CTDSPL2: variants seen among roughly 807,000 people sequenced by gnomAD.
CTDSPL2 encodes the protein CTD small phosphatase-like protein 2.
CTDSPL2 carries 5 observed loss-of-function variants against 60.0 expected under a neutral mutation model. That is an observed-to-expected ratio of 0.08 (90% CI 0.04 to 0.18). The LOEUF is 0.18. Ranked by LOEUF, CTDSPL2 falls within the 10% of genes least tolerant of loss-of-function variation. The pLI is 1.00. For missense variants in CTDSPL2, 370 were observed against 548.8 expected, an observed-to-expected ratio of 0.67 and a Z score of 3.26; for synonymous variants, 186 against 189.3, an observed-to-expected ratio of 0.98 and a Z score of 0.14.
intron 8 of CTDSPL2, among the ~76,000 whole-genome samples, chr15:44,505,735 CAA>C (rs34005065): frequency 4.1e-4 from 30 of 73,864 alleles, no homozygotes; most frequent in South Asian, 7.9e-4. Context: ...CTCTGTCTCC[CAA>C]AAAAAAAAAA....
intron 2 of CTDSPL2, among the ~76,000 whole-genome samples, chr15:44,469,990 T>A (rs982752424): frequency 1.3e-5 from 2 of 148,766 alleles, no homozygotes; most frequent in Admixed American, 6.9e-5. Context: ...CCCAGCTACT[T>A]GGGAGGCTGA....
At chr15:44,510,276 G>A (rs2081543889) in intron 8 of CTDSPL2, among the ~76,000 whole-genome samples, 1 of 152,114 alleles carries the variant, frequency 6.6e-6, no homozygotes, top group Non-Finnish European at 1.5e-5. Context: ...GGGATTACAG[G>A]CGTGAGCCAC....
chr15:44,449,971 A>T (rs914023610), intron 1 of CTDSPL2, among the ~76,000 whole-genome samples: 1 of 147,764 alleles, frequency 6.8e-6, no homozygotes, highest in Non-Finnish European at 1.5e-5. Flanking sequence ...TGCCTGGGTG[A>T]CAGAGCGAGT....
Position 44,528,145 on chromosome 15 carries a change from G to C in CTDSPL2, c.*3971G>C, listed in dbSNP as rs984396102. 2 of 152,066 alleles carry C rather than the reference G, an allele frequency of 1.3e-5. No homozygotes were observed. The highest frequency in any genetic ancestry group is 6.6e-5 in the Admixed American group (1 of 15,248). 9.4% of individuals were successfully genotyped at this position (152,066 alleles called of 1,614,324 possible). ...ATGATTTGAGATCTTTTTTAAAAAA[G>C]GGTGGGGCGGCGGGGGAGAGAGCGA... is the stretch of plus-strand genomic sequence containing the variant. On this transcript the variant is annotated 3_prime_UTR_variant, in exon 13 of 13. Transcript: ENST00000260327.
At chr15:44,498,454 T>TCCCA (rs2081337082) in intron 7 of CTDSPL2, among the ~76,000 whole-genome samples, 1 of 151,978 alleles carries the variant, frequency 6.6e-6, no homozygotes, top group Non-Finnish European at 1.5e-5. Context: ...AGCCTGGTGT[T>TCCCA]GCAAGCGTGT....
chr15:44,499,922 A>G, intron 8 of CTDSPL2, 109 bp downstream of exon 8: 1 of 635,144 alleles, frequency 1.6e-6, no homozygotes, highest in Non-Finnish European at 2.8e-6. Flanking sequence ...TTTTCTGTAG[A>G]AGTATAATGG....
rs924149754 is a variant in CTDSPL2 at position 44,527,585 on chromosome 15, T to C, written c.*3411T>C. 4 of 152,238 alleles carry C rather than the reference T, an allele frequency of 2.6e-5. No homozygotes were observed. Among genetic ancestry groups the C allele is most frequent in the Middle Eastern group, 3.2e-3 (1 of 316 alleles). 9.4% of individuals were successfully genotyped at this position (152,238 alleles called of 1,614,324 possible). A position where few individuals can be genotyped will look rare whatever the true frequency, so the allele number is the denominator to read the frequency against. On this transcript the variant is annotated 3_prime_UTR_variant, in exon 13 of 13. Coordinates refer to ENST00000260327, the MANE Select transcript of CTDSPL2 (RefSeq NM_016396.3). ...AAGCCTTTATTTAATTGTACTAATA[T>C]GATGGTGTTATATACTACATCATTA...
At chr15:44,490,684 T>C in intron 4 of CTDSPL2, 100 bp from the exon 5 acceptor site, 1 of 842,874 alleles carries the variant, frequency 1.2e-6, no homozygotes, top group Admixed American at 2.1e-5. Context: ...CCTGCAGGAA[T>C]GATCAGTCTA....
At chr15:44,523,594 A>G (rs1461076038) in intron 12 of CTDSPL2, among the ~76,000 whole-genome samples, 1 of 152,206 alleles carries the variant, frequency 6.6e-6, no homozygotes, top group East Asian at 1.9e-4. Context: ...TGAAAGAGCA[A>G]GACCCTGTCA....
At chr15:44,467,903 C>T (rs1350440044) in intron 2 of CTDSPL2, among the ~76,000 whole-genome samples, 1 of 152,068 alleles carries the variant, frequency 6.6e-6, no homozygotes, top group Admixed American at 6.6e-5. Flanking sequence ...TAGAGTAGTA[C>T]ATAAATTTTT....
At chr15:44,507,991 G>A (rs2081499396) in intron 8 of CTDSPL2, among the ~76,000 whole-genome samples, 1 of 152,138 alleles carries the variant, frequency 6.6e-6, no homozygotes, top group Non-Finnish European at 1.5e-5. Flanking sequence ...ATACAGAAGA[G>A]TTAAAAAATT....
chr15:44,451,207 TTC>T (rs767767649), intron 1 of CTDSPL2, among the ~76,000 whole-genome samples: 1 of 152,122 alleles, frequency 6.6e-6, no homozygotes, highest in Non-Finnish European at 1.5e-5. Context: ...TCAAGTGATC[TTC>T]TCTCTCTCAG....
intron 8 of CTDSPL2, among the ~76,000 whole-genome samples, chr15:44,500,727 T>A (rs1028550379): frequency 2.0e-5 from 3 of 152,182 alleles, no homozygotes; most frequent in African/African-American, 7.2e-5. Flanking sequence ...ATAGTTGATG[T>A]CTCACAGAAA....
intron 2 of CTDSPL2, among the ~76,000 whole-genome samples, chr15:44,461,354 C>T (rs2080564642): frequency 6.6e-6 from 1 of 152,068 alleles, no homozygotes; most frequent in Admixed American, 6.6e-5. Context: ...AACAATCATT[C>T]AACACATATT....
intron 2 of CTDSPL2, among the ~76,000 whole-genome samples, chr15:44,472,676 A>T (rs531763664): frequency 3.5e-4 from 52 of 149,194 alleles, no homozygotes; most frequent in African/African-American, 1.2e-3. Context: ...TTCTTTCCCC[A>T]CTTTTTGGAG....
chr15:44,483,277 GAA>G (rs2081062865), intron 2 of CTDSPL2, among the ~76,000 whole-genome samples: 2 of 148,258 alleles, frequency 1.3e-5, no homozygotes, highest in South Asian at 4.2e-4. Flanking sequence ...AAAAAAAAAA[GAA>G]AAAGAAAAAA....
chr15:44,445,312 C>A (rs961595794), intron 1 of CTDSPL2, among the ~76,000 whole-genome samples: 7 of 152,004 alleles, frequency 4.6e-5, no homozygotes, highest in African/African-American at 1.7e-4. Context: ...CTCAGCCTCC[C>A]AAGTAGTTGG....
At chr15:44,450,545 C>G (rs1020608679) in intron 1 of CTDSPL2, among the ~76,000 whole-genome samples, 4 of 144,618 alleles carry the variant, frequency 2.8e-5, no homozygotes, top group Admixed American at 6.9e-5. Context: ...AAACGTTTAT[C>G]TGTATATTGG....
chr15:44,457,134 C>A (rs2080464226), intron 1 of CTDSPL2, among the ~76,000 whole-genome samples: 1 of 152,160 alleles, frequency 6.6e-6, no homozygotes, highest in Non-Finnish European at 1.5e-5. Context: ...GCCTTGGCCT[C>A]CCAAAATGCT....
Sources: allele counts gnomAD v4.1 joint callset (sites outside exome capture counted in the v4.1 genomes callset), GRCh38; gene constraint gnomAD v4.1.1; transcripts MANE v1.5; gene names NCBI Gene and HGNC (gene_info 2026-07-23, HGNC 2026-07-21).